The following COL15A1 variants were observed in gnomAD, a reference collection of about 807,000 sequenced individuals.
COL15A1 encodes the protein collagen type XV alpha 1 chain.
Under a neutral mutation model 165.9 loss-of-function variants are expected in COL15A1, and 111 were observed. The ratio of observed to expected loss-of-function variants is 0.67; its 90% CI spans 0.57 to 0.78. COL15A1 has a LOEUF of 0.78. Ranked by LOEUF, COL15A1 falls within the 30% of genes least tolerant of loss-of-function variation. COL15A1 has a pLI of 0.00. For synonymous variants in COL15A1, 659 were observed against 674.8 expected (o/e 0.98, Z 0.36); for missense variants, 1,745 against 1,789.7 (o/e 0.98, Z 0.45).
intron 9 of COL15A1, among the ~76,000 whole-genome samples, chr9:99,013,899 T>C (rs73503733): frequency 0.021 from 3,155 of 152,162 alleles, 103 homozygotes; most frequent in African/African-American, 0.073. Context: ...GAAGGAGGTA[T>C]AGGGCGGAAG....
At chr9:99,043,143 G>A (rs550023396) in intron 24 of COL15A1, among the ~76,000 whole-genome samples, 12 of 152,034 alleles carry the variant, frequency 7.9e-5, no homozygotes, top group African/African-American at 2.4e-4. Flanking sequence ...AACTCCTCTC[G>A]TTCTTCTCTC....
chr9:99,003,453 A>G lies in COL15A1; in HGVS notation c.1066A>G (p.Asn356Asp), dbSNP rs1554687496. 6.7e-7 allele frequency: 1 copy of G among 1,501,802 alleles called. No individual in the cohort carries two copies. Among genetic ancestry groups the G allele is most frequent in the East Asian group, 2.5e-5 (1 of 40,000 alleles). The allele number at this position is 1,501,802 out of a possible 1,614,324, so 93.0% of individuals were successfully genotyped here. Reference sequence around the variant, plus strand: ...TCTCTTGTGATGCCTTTGTTTTCAGAATTTAGCAGCAACAGCAGCGGGGCT... The same window carrying G: ...TCTCTTGTGATGCCTTTGTTTTCAGGATTTAGCAGCAACAGCAGCGGGGCT... ...GAFLDIAEEK[N>D]LAATAAGLAE... The change falls in exon 8 of 42, where the codon AAT (asparagine) becomes GAT (aspartate). Residue 356 changes from asparagine to aspartate, a missense_variant and splice_region_variant. Coordinates refer to ENST00000375001, the MANE Select transcript of COL15A1 (RefSeq NM_001855.5).
At chr9:99,007,385 G>A (rs73503720) in intron 9 of COL15A1, among the ~76,000 whole-genome samples, 5,247 of 152,192 alleles carry the variant, frequency 0.034, 283 homozygotes, top group African/African-American at 0.12. Context: ...TGATTTTGGG[G>A]GTCCTGAGAT....
At chr9:99,027,929 G>C (rs1241005677) in intron 16 of COL15A1, among the ~76,000 whole-genome samples, 1 of 152,202 alleles carries the variant, frequency 6.6e-6, no homozygotes, top group Non-Finnish European at 1.5e-5. Flanking sequence ...AACAAAAAAT[G>C]TGCTAAAGGA....
chr9:98,992,100 G>A (rs2416664), intron 5 of COL15A1, among the ~76,000 whole-genome samples: 361 of 152,314 alleles, frequency 2.4e-3, no homozygotes, highest in African/African-American at 8.3e-3. Context: ...CGGCCTGCCA[G>A]TCCCACGCTG....
intron 9 of COL15A1, among the ~76,000 whole-genome samples, chr9:99,012,507 G>A (rs1838861876): frequency 6.6e-6 from 1 of 152,192 alleles, no homozygotes; most frequent in African/African-American, 2.4e-5. Context: ...CAGAGAGATA[G>A]AGAACTTAGG....
chr9:98,967,567 G>A lies in COL15A1; in HGVS notation c.101-17998G>A, dbSNP rs115912094. Among the ~76,000 whole-genome samples the A allele has an allele frequency of 1.9e-3, 287 of 152,340 alleles. 2 individuals are homozygous for A. The highest frequency in any genetic ancestry group is 6.6e-3 in the African/African-American group (273 of 41,586). On this transcript the variant is annotated intron_variant, in intron 2 of 41. Transcript: ENST00000375001. ...CCATCAGTGGGATCTAGTGATTCAG[G>A]GGACTTAGCATCCCAACAGCCTGGC...
chr9:98,989,114 T>C, intron 4 of COL15A1, 64 bp from the exon 5 acceptor site: 1 of 1,266,434 alleles, frequency 7.9e-7, no homozygotes, highest in Non-Finnish European at 1.2e-6. Context: ...ACTTTCCCAG[T>C]CATCCAACTC....
chr9:99,052,007 C>T (rs999714130), intron 30 of COL15A1, among the ~76,000 whole-genome samples: 12 of 152,220 alleles, frequency 7.9e-5, no homozygotes, highest in Non-Finnish European at 1.5e-5. Context: ...GTCACTTGCT[C>T]GGATGCTTGA....
chr9:98,967,212 C>T (rs1414775483), intron 2 of COL15A1, among the ~76,000 whole-genome samples: 1 of 152,168 alleles, frequency 6.6e-6, no homozygotes, highest in Non-Finnish European at 1.5e-5. Context: ...TTCTGTGAAA[C>T]TGGCCCTGGG....
At chr9:98,944,807 C>T (rs902063390) in intron 2 of COL15A1, among the ~76,000 whole-genome samples, 6 of 152,262 alleles carry the variant, frequency 3.9e-5, no homozygotes, top group African/African-American at 1.2e-4. Context: ...GAGCTGTGGC[C>T]TGGAAGCCAG....
chr9:99,003,693 G>T, intron 8 of COL15A1, 106 bp downstream of exon 8: 1 of 1,262,164 alleles, frequency 7.9e-7, no homozygotes, highest in South Asian at 1.9e-5. Context: ...GAAACACAGT[G>T]ACAGTCTCAT....
At chr9:98,970,981 G>A (rs1588496069) in intron 2 of COL15A1, among the ~76,000 whole-genome samples, 1 of 152,320 alleles carries the variant, frequency 6.6e-6, no homozygotes, top group African/African-American at 2.4e-5. Context: ...AGAGTGGTAA[G>A]AATAACAGAT....
At chr9:98,982,263 C>A (rs895905591) in intron 2 of COL15A1, among the ~76,000 whole-genome samples, 2 of 152,086 alleles carry the variant, frequency 1.3e-5, no homozygotes, top group East Asian at 3.9e-4. Context: ...GGACTACAGG[C>A]ACACATGACC....
chr9:98,970,441 T>G (rs1291777213), intron 2 of COL15A1, among the ~76,000 whole-genome samples: 1 of 152,222 alleles, frequency 6.6e-6, no homozygotes, highest in Non-Finnish European at 1.5e-5. Context: ...ACCCTGTGTG[T>G]GGGAAGAGCA....
At chr9:98,987,440 C>T (rs1488901648) in intron 4 of COL15A1, 72 bp downstream of exon 4, 10 of 1,401,784 alleles carry the variant, frequency 7.1e-6, no homozygotes, top group Non-Finnish European at 9.8e-6. Context: ...GCTGGATGCC[C>T]AGACAGTGGC....
rs1443136157 is a variant in COL15A1 at position 98,964,697 on chromosome 9, T to G, written c.100+20447T>G. Among the ~76,000 whole-genome samples, 4 of 152,284 alleles carry G rather than the reference T, an allele frequency of 2.6e-5. No individual in the cohort carries two copies. In the East Asian group the frequency reaches 7.7e-4, roughly 29 times the overall value. ...TATGAGGCCCTTTCCCATGCCATCTTCCGGGTCATGGGAGAGAGTGGCCTG... is the reference window on the plus strand; with the variant it reads ...TATGAGGCCCTTTCCCATGCCATCTGCCGGGTCATGGGAGAGAGTGGCCTG... On this transcript the variant is annotated intron_variant, in intron 2 of 41. Coordinates refer to ENST00000375001, the MANE Select transcript of COL15A1 (RefSeq NM_001855.5).
At chr9:99,060,257 T>TATATATATATA (rs1491369678) in intron 36 of COL15A1, among the ~76,000 whole-genome samples, 1 of 126,700 alleles carries the variant, frequency 7.9e-6, no homozygotes. Flanking sequence ...TATATATATA[T>TATATATATATA]TTTTTTTTTG....
At chr9:99,016,263 C>A (rs1343028040) in intron 11 of COL15A1, 144 bp downstream of exon 11, 6 of 1,003,916 alleles carry the variant, frequency 6.0e-6, no homozygotes, top group Non-Finnish European at 7.0e-6. Flanking sequence ...ATTTGAGGAG[C>A]TTTAACCTGA....
Sources: allele counts gnomAD v4.1 joint callset (sites outside exome capture counted in the v4.1 genomes callset), GRCh38; gene constraint gnomAD v4.1.1; transcripts MANE v1.5; gene names NCBI Gene and HGNC (gene_info 2026-07-23, HGNC 2026-07-21).